The following UGT1A4 variants were observed in gnomAD, a reference collection of about 807,000 sequenced individuals.
UGT1A4 encodes the protein UDP glucuronosyltransferase family 1 member A4.
Under a neutral mutation model 41.1 loss-of-function variants are expected in UGT1A4, and 32 were observed. That is an observed-to-expected ratio of 0.78 (90% confidence interval 0.59 to 1.05). UGT1A4 has a LOEUF of 1.05. UGT1A4 is among the 50% of genes least tolerant of loss of function. The pLI is 0.00. For synonymous variants in UGT1A4, 283 were observed against 265.1 expected, an observed-to-expected ratio of 1.07 and a Z score of -0.66; for missense variants, 748 against 677.4, an observed-to-expected ratio of 1.10 and a Z score of -1.16.
intron 1 of UGT1A4, among the ~76,000 whole-genome samples, chr2:233,746,735 T>A (rs1693464180): frequency 6.6e-6 from 1 of 151,806 alleles, no homozygotes; most frequent in African/African-American, 2.4e-5. Context: ...GGATTCTGCT[T>A]TGGTTCCAAA....
At chr2:233,736,915 T>A (rs1289213443) in intron 1 of UGT1A4, among the ~76,000 whole-genome samples, 1 of 152,142 alleles carries the variant, frequency 6.6e-6, no homozygotes, top group African/African-American at 2.4e-5. Context: ...GGAAGCTTCA[T>A]ACCAGAGGCG....
At chr2:233,738,971 TG>T (rs2125819893) in intron 1 of UGT1A4, 1 of 152,378 alleles carries the variant, frequency 6.6e-6, no homozygotes, top group Admixed American at 6.5e-5. Context: ...CCCCCACTGC[TG>T]TGTGCAGCCT....
chr2:233,759,500 C>G (rs1243042735), intron 1 of UGT1A4, among the ~76,000 whole-genome samples: 1 of 152,164 alleles, frequency 6.6e-6, no homozygotes, highest in Non-Finnish European at 1.5e-5. Flanking sequence ...CAGGTTCACA[C>G]TAATAAAGGC....
intron 1 of UGT1A4, among the ~76,000 whole-genome samples, chr2:233,725,333 T>C (rs2077437851): frequency 7.8e-6 from 1 of 128,680 alleles, no homozygotes; most frequent in Non-Finnish European, 1.7e-5. Context: ...GTCAACAATC[T>C]TAAGTCCAAT....
chr2:233,727,605 T>G (rs973059053), intron 1 of UGT1A4, among the ~76,000 whole-genome samples: 2 of 152,184 alleles, frequency 1.3e-5, no homozygotes, highest in African/African-American at 4.8e-5. Flanking sequence ...GTTGGAGGAA[T>G]AGTTCAGAGG....
chr2:233,719,768 T>C, intron 1 of UGT1A4, 81 bp downstream of exon 1: 1 of 1,611,854 alleles, frequency 6.2e-7, no homozygotes. Flanking sequence ...AGTGCTTCCA[T>C]ATCTACTTAT....
In UGT1A4 at chr2:233,729,945, G is replaced by A. The variant is rs752275204; in HGVS notation, c.867+10258G>A. ...ACCCCAGGCCAATCATGCCCAACAT[G>A]GTCTTCATTGGGGGCATCAACTGTG... On this transcript the variant is annotated intron_variant, in intron 1 of 4. Coordinates refer to ENST00000373409, the MANE Select transcript of UGT1A4 (RefSeq NM_007120.3). The A allele has an allele frequency of 3.7e-6, 6 of 1,613,976 alleles. No individual in the cohort carries two copies. Among genetic ancestry groups the A allele is most frequent in the Admixed American group, 1.7e-5 (1 of 60,020 alleles).
chr2:233,731,097 CT>C (rs1455789609), intron 1 of UGT1A4, among the ~76,000 whole-genome samples: 1 of 151,946 alleles, frequency 6.6e-6, no homozygotes, highest in South Asian at 2.1e-4. Flanking sequence ...ATTTCTGTGC[CT>C]TTTTTATAAA....
intron 1 of UGT1A4, 29 bp from the exon 2 acceptor site, chr2:233,767,005 T>A: frequency 1.2e-6 from 2 of 1,613,726 alleles, no homozygotes; most frequent in Non-Finnish European, 1.7e-6. Flanking sequence ...TGAGAAAAAA[T>A]TAACTGAAAA....
intron 1 of UGT1A4, among the ~76,000 whole-genome samples, chr2:233,735,163 G>C (rs2078615776): frequency 7.0e-6 from 1 of 143,406 alleles, no homozygotes. Context: ...CTCTGTGTAG[G>C]TCTCTAAGAA....
intron 1 of UGT1A4, among the ~76,000 whole-genome samples, chr2:233,732,755 G>GT (rs956485327): frequency 0.043 from 5,191 of 120,064 alleles, 256 homozygotes; most frequent in African/African-American, 0.13. Flanking sequence ...CACCAGCTTT[G>GT]TTTTTTTTTT....
intron 1 of UGT1A4, chr2:233,760,236 A>G: frequency 1.3e-6 from 2 of 1,590,176 alleles, no homozygotes; most frequent in Non-Finnish European, 1.7e-6. Context: ...TTTTTGCCAT[A>G]TATATATATA....
intron 1 of UGT1A4, among the ~76,000 whole-genome samples, chr2:233,733,899 C>T (rs563890237): frequency 6.6e-6 from 1 of 151,930 alleles, no homozygotes; most frequent in Non-Finnish European, 1.5e-5. Flanking sequence ...CCTGTTTGTA[C>T]CTCTCTGGTA....
At position 233,767,889 on chromosome 2, in the gene UGT1A4, C is replaced by A; in HGVS notation, c.1040C>A (p.Ala347Glu). The A allele has an allele frequency of 2.5e-6, 4 of 1,614,136 alleles. No individual in the cohort carries two copies. Among genetic ancestry groups the A allele is most frequent in the Non-Finnish European group, 3.4e-6 (4 of 1,180,034 alleles). ...ACTGGAACCCGACCATCGAATCTTG[C>A]GAACAACACGATACTTGTTAAGTGG... ...RYTGTRPSNLANNTILVKWLP... is the reference protein window; with the variant it reads ...RYTGTRPSNLENNTILVKWLP... Residue 347 changes from alanine (A) to glutamate (E), a missense_variant, in exon 3 of 5, where the codon GCG becomes GAG. Physicochemically the swap from Ala to Glu is moderately radical, Grantham distance 107. Transcript: ENST00000373409.
rs1187265864 is a variant in UGT1A4 at position 233,756,550 on chromosome 2, C to T, written c.868-10484C>T. Among the ~76,000 whole-genome samples the T allele has an allele frequency of 2.0e-5, 3 of 152,052 alleles. No homozygotes were observed. In the South Asian group the frequency reaches 6.2e-4, roughly 32 times the overall value. On this transcript the variant is annotated intron_variant, in intron 1 of 4. Transcript: ENST00000373409. ...TCACTTTTCTTGACTGCTAAAACAA[C>T]CAGGGAGATCCTCTCAGACAAAAGG...
intron 4 of UGT1A4, 75 bp from the exon 5 acceptor site, chr2:233,772,187 G>A: frequency 6.3e-7 from 1 of 1,594,510 alleles, no homozygotes; most frequent in South Asian, 1.1e-5. Flanking sequence ...GTCTTCTTAA[G>A]CAGCCATGAG....
chr2:233,734,873 G>A (rs1334248859), intron 1 of UGT1A4, among the ~76,000 whole-genome samples: 3 of 152,244 alleles, frequency 2.0e-5, no homozygotes, highest in Non-Finnish European at 2.9e-5. Flanking sequence ...ACTATGGTCT[G>A]AGAGACAGTT....
intron 1 of UGT1A4, among the ~76,000 whole-genome samples, chr2:233,757,931 A>G (rs552433381): frequency 6.6e-6 from 1 of 152,244 alleles, no homozygotes; most frequent in East Asian, 1.9e-4. Flanking sequence ...CCCCCAAAGC[A>G]AGACCATCAT....
chr2:233,734,616 T>C (rs2078540988), intron 1 of UGT1A4, among the ~76,000 whole-genome samples: 1 of 152,220 alleles, frequency 6.6e-6, no homozygotes, highest in Admixed American at 6.5e-5. Context: ...AGTGTGTTGA[T>C]TTTAGATCTT....
Sources: allele counts gnomAD v4.1 joint callset (sites outside exome capture counted in the v4.1 genomes callset), GRCh38; gene constraint gnomAD v4.1.1; transcripts MANE v1.5; gene names NCBI Gene and HGNC (gene_info 2026-07-23, HGNC 2026-07-21).